UBR3: variants seen among roughly 807,000 people sequenced by gnomAD.
The protein encoded by UBR3 is E3 ubiquitin-protein ligase UBR3.
Under a neutral mutation model 243.2 loss-of-function variants are expected in UBR3, and 85 were observed. That is an observed-to-expected ratio of 0.35 (90% CI 0.29 to 0.42). The LOEUF (loss-of-function observed/expected upper bound fraction) is 0.42, where lower values mean the gene tolerates loss of function less well. Ranked by LOEUF, UBR3 falls within the 10% of genes least tolerant of loss-of-function variation. The probability of loss-of-function intolerance (pLI) is 1.00; values close to 1 mark genes in which losing one functional copy is unlikely to be tolerated. For synonymous variants in UBR3, 748 were observed against 799.8 expected, an observed-to-expected ratio of 0.94 and a Z score of 1.09; for missense variants, 1,686 against 2,300.8, an observed-to-expected ratio of 0.73 and a Z score of 5.47.
Position 169,954,226 on chromosome 2 carries a change from T to TTG in UBR3, c.3545+4162_3545+4163insGT, listed in dbSNP as rs1235028631. On this transcript the variant is annotated intron_variant, in intron 23 of 38. Transcript: ENST00000272793. The stretch of plus-strand genomic sequence containing the variant: ...TTGTCTTGTCTTGTCTTGTCTTGTC[T>TTG]TCTCTTCTTAATTCATTTCTTTTCT... 8.0e-3 allele frequency among the ~76,000 whole-genome samples: 1,196 copies of TTG among 149,574 alleles called. 24 individuals carry two copies. Among genetic ancestry groups the TTG allele is most frequent in the African/African-American group, 0.027 (1,100 of 40,790 alleles).
chr2:170,013,813 G>A (rs1258041781), intron 29 of UBR3: 1 of 442,794 alleles, frequency 2.3e-6, no homozygotes, highest in Non-Finnish European at 4.7e-6. Context: ...TTTTATAAGA[G>A]AATATAGCCA....
chr2:170,059,383 A>G (rs748422802), intron 33 of UBR3, among the ~76,000 whole-genome samples: 29 of 152,174 alleles, frequency 1.9e-4, no homozygotes, highest in Non-Finnish European at 3.2e-4. Flanking sequence ...TGAATTTAGG[A>G]AGCTTTTAGA....
intron 30 of UBR3, among the ~76,000 whole-genome samples, chr2:170,026,046 G>T (rs147978994): frequency 1.4e-4 from 22 of 152,084 alleles, no homozygotes; most frequent in African/African-American, 4.1e-4. Flanking sequence ...GTAAAGTAGT[G>T]TGTGCAGAAT....
At position 169,894,226 on chromosome 2, in the gene UBR3, G is replaced by C. The variant is rs565621374; in HGVS notation, c.1106-955G>C. 3.9e-4 allele frequency among the ~76,000 whole-genome samples: 58 copies of C among 149,364 alleles called. No homozygotes were observed. The South Asian group carries it at 6.3e-3, about 16-fold the overall frequency. On this transcript the variant is annotated intron_variant, in intron 6 of 38. Transcript: ENST00000272793. ...TAGTCCTAGCTATTCGGGAGGGTAA[G>C]GTGGGAGGATAACTTGAGCTGAGGA...
At chr2:169,873,327 T>C (rs2083490750) in intron 2 of UBR3, among the ~76,000 whole-genome samples, 1 of 152,170 alleles carries the variant, frequency 6.6e-6, no homozygotes, top group Admixed American at 6.6e-5. Flanking sequence ...TAAGCAAAAA[T>C]ATACAATCCT....
At chr2:169,839,695 TGA>T (rs1196652060) in intron 1 of UBR3, among the ~76,000 whole-genome samples, 1 of 152,080 alleles carries the variant, frequency 6.6e-6, no homozygotes. Context: ...AGTGCAATGG[TGA>T]GAGGCAAGCA....
At chr2:169,956,409 A>G (rs1250627484) in intron 23 of UBR3, among the ~76,000 whole-genome samples, 2 of 151,866 alleles carry the variant, frequency 1.3e-5, no homozygotes, top group Admixed American at 6.6e-5. Context: ...TCGAGTCCTG[A>G]CACTCTGTGC....
At chr2:169,995,803 C>G (rs780830146) in intron 26 of UBR3, among the ~76,000 whole-genome samples, 2 of 151,946 alleles carry the variant, frequency 1.3e-5, no homozygotes, top group African/African-American at 4.8e-5. Context: ...TATCTGAAGG[C>G]CTTCAACATA....
At chr2:169,962,390 A>G (rs1247711599) in intron 24 of UBR3, among the ~76,000 whole-genome samples, 3 of 152,096 alleles carry the variant, frequency 2.0e-5, no homozygotes, top group African/African-American at 7.2e-5. Flanking sequence ...AAGCCTTTAA[A>G]TGACTGCAGG....
chr2:170,038,372 T>A (rs1407295530), intron 31 of UBR3, among the ~76,000 whole-genome samples: 1 of 152,256 alleles, frequency 6.6e-6, no homozygotes, highest in Non-Finnish European at 1.5e-5. Context: ...GTTTATTTGT[T>A]CATTCATCCA....
chr2:169,891,145 C>G lies in UBR3; in HGVS notation c.1039-20C>G. On this transcript the variant is annotated intron_variant, in intron 5 of 38. Coordinates refer to ENST00000272793, the MANE Select transcript of UBR3 (RefSeq NM_172070.4). ...TTTATGAATGTGACTGTGTATAATG[C>G]TAATATTATTTTCCTTCAGGATGAT... 1 of 1,535,426 alleles carries G rather than the reference C, an allele frequency of 6.5e-7. No individual in the cohort carries two copies.
At chr2:169,925,509 T>C (rs1043189727) in intron 13 of UBR3, 110 bp from the exon 14 acceptor site, 1 of 950,062 alleles carries the variant, frequency 1.1e-6, no homozygotes, top group Non-Finnish European at 1.5e-6. Context: ...GGACAGAATA[T>C]CGGGCTTATA....
At chr2:169,907,828 G>A (rs894691540) in intron 10 of UBR3, among the ~76,000 whole-genome samples, 1 of 151,578 alleles carries the variant, frequency 6.6e-6, no homozygotes, top group African/African-American at 2.4e-5. Flanking sequence ...CACCCAGGCT[G>A]GAGTGCGAAC....
chr2:169,915,914 C>T (rs1294601182), intron 11 of UBR3, among the ~76,000 whole-genome samples: 1 of 152,130 alleles, frequency 6.6e-6, no homozygotes, highest in Admixed American at 6.5e-5. Flanking sequence ...ATGAGAGCCC[C>T]TTTAAGCTTA....
At chr2:170,002,934 GC>G (rs2089766879) in intron 27 of UBR3, among the ~76,000 whole-genome samples, 1 of 151,962 alleles carries the variant, frequency 6.6e-6, no homozygotes, top group Non-Finnish European at 1.5e-5. Flanking sequence ...GCTCACTGAA[GC>G]CTTACGCTCC....
chr2:169,836,043 C>CTA (rs1236888848), intron 1 of UBR3, among the ~76,000 whole-genome samples: 1 of 8,052 alleles, frequency 1.2e-4, no homozygotes, highest in African/African-American at 4.3e-4. Context: ...CTCTCTCTCT[C>CTA]TATATATATA....
intron 29 of UBR3, chr2:170,014,135 GCATT>G: frequency 5.1e-6 from 1 of 196,420 alleles, no homozygotes; most frequent in South Asian, 9.3e-5. Flanking sequence ...GAGGATTAAA[GCATT>G]CCTTTAGAAA....
At chr2:170,061,215 G>A (rs570952266) in intron 34 of UBR3, 29 bp downstream of exon 34, 44 of 1,580,326 alleles carry the variant, frequency 2.8e-5, no homozygotes, top group Middle Eastern at 1.7e-4. Context: ...CAGATGTAGC[G>A]GTTATTTAGT....
chr2:170,064,355 T>C (rs2091511000), intron 35 of UBR3, among the ~76,000 whole-genome samples: 2 of 152,120 alleles, frequency 1.3e-5, no homozygotes, highest in Admixed American at 6.5e-5. Context: ...ATTTTAAAAA[T>C]TCTTTTCCAT....
Sources: allele counts gnomAD v4.1 joint callset (sites outside exome capture counted in the v4.1 genomes callset), GRCh38; gene constraint gnomAD v4.1.1; transcripts MANE v1.5; gene names NCBI Gene and HGNC (gene_info 2026-07-23, HGNC 2026-07-21).